ATP8A1: variants seen among roughly 807,000 people sequenced by gnomAD.
The protein encoded by ATP8A1 is phospholipid-transporting ATPase IA.
In ATP8A1, 90 loss-of-function variants were observed where a neutral mutation model predicts 177.7. That is an observed-to-expected ratio of 0.51 (90% CI 0.43 to 0.60). The LOEUF is 0.60. ATP8A1 is among the 20% of genes least tolerant of loss of function. ATP8A1 has a pLI of 0.00. For synonymous variants in ATP8A1, 493 were observed against 485.9 expected (o/e 1.01, Z -0.19); for missense variants, 1,072 against 1,392.8 (o/e 0.77, Z 3.67).
chr4:42,492,693 C>T (rs1722851224), intron 24 of ATP8A1, among the ~76,000 whole-genome samples: 1 of 152,166 alleles, frequency 6.6e-6, no homozygotes, highest in African/African-American at 2.4e-5. Flanking sequence ...CTTTTGTTAG[C>T]CTGAATGAAC....
chr4:42,514,530 T>TA (rs1294969916), intron 22 of ATP8A1, among the ~76,000 whole-genome samples: 1 of 152,244 alleles, frequency 6.6e-6, no homozygotes, highest in Admixed American at 6.5e-5. Context: ...ATACAGTACA[T>TA]AGAGTACATA....
chr4:42,641,339 A>C (rs1184662196), intron 1 of ATP8A1, among the ~76,000 whole-genome samples: 1 of 152,142 alleles, frequency 6.6e-6, no homozygotes, highest in Admixed American at 6.5e-5. Flanking sequence ...TCAAGAAAAA[A>C]TCTGAGGTGT....
At chr4:42,630,679 C>T (rs1738641277) in intron 1 of ATP8A1, among the ~76,000 whole-genome samples, 1 of 152,178 alleles carries the variant, frequency 6.6e-6, no homozygotes, top group African/African-American at 2.4e-5. Context: ...GACTTCAAGA[C>T]ATTCAACAGA....
At chr4:42,609,880 GT>G (rs1553915826) in intron 5 of ATP8A1, among the ~76,000 whole-genome samples, 1 of 152,044 alleles carries the variant, frequency 6.6e-6, no homozygotes, top group Non-Finnish European at 1.5e-5. Context: ...CCTCACCCTG[GT>G]TTTCAAAAGA....
chr4:42,414,584 A>G (rs1560298501), intron 36 of ATP8A1, 43 bp downstream of exon 36: 11 of 1,489,406 alleles, frequency 7.4e-6, no homozygotes, highest in Non-Finnish European at 9.4e-6. Flanking sequence ...TGATACAGCA[A>G]TGGCAGAGAA....
intron 8 of ATP8A1, among the ~76,000 whole-genome samples, chr4:42,587,218 A>T (rs898446286): frequency 6.6e-6 from 1 of 152,214 alleles, no homozygotes; most frequent in South Asian, 2.1e-4. Context: ...ACGGCTTTTT[A>T]AAAAACTTTA....
intron 5 of ATP8A1, among the ~76,000 whole-genome samples, chr4:42,607,956 C>A (rs1735963334): frequency 1.3e-5 from 2 of 152,136 alleles, no homozygotes; most frequent in African/African-American, 4.8e-5. Context: ...GTTTTAAATG[C>A]AAAACTCCTC....
chr4:42,448,393 T>TTACTTTAC, intron 30 of ATP8A1, among the ~76,000 whole-genome samples: 1 of 82,206 alleles, frequency 1.2e-5, no homozygotes, highest in African/African-American at 4.0e-5. Context: ...CCTCCTTCTC[T>TTACTTTAC]TTCTTTTCTT....
chr4:42,578,808 C>G (rs1270994384), intron 11 of ATP8A1, among the ~76,000 whole-genome samples: 1 of 152,052 alleles, frequency 6.6e-6, no homozygotes. Context: ...ACAATCCAAA[C>G]TATATGAGTA....
chr4:42,423,376 T>C (rs1305299216), intron 34 of ATP8A1, among the ~76,000 whole-genome samples: 1 of 152,212 alleles, frequency 6.6e-6, no homozygotes, highest in African/African-American at 2.4e-5. Context: ...TACTCCCCGA[T>C]GTAATTTTCT....
intron 22 of ATP8A1, among the ~76,000 whole-genome samples, chr4:42,509,063 T>C (rs1335135940): frequency 6.6e-6 from 1 of 152,166 alleles, no homozygotes; most frequent in Non-Finnish European, 1.5e-5. Flanking sequence ...AATAGAAAAA[T>C]CTAACAATGG....
intron 22 of ATP8A1, among the ~76,000 whole-genome samples, chr4:42,520,751 A>G (rs1726036071): frequency 6.6e-6 from 1 of 152,158 alleles, no homozygotes; most frequent in Non-Finnish European, 1.5e-5. Context: ...AGGAGGAGAT[A>G]TCTAGATATA....
In ATP8A1 at chr4:42,455,355, A is replaced by G; in HGVS notation, c.2759T>C (p.Met920Thr). 3 of 1,613,972 alleles carry G rather than the reference A, an allele frequency of 1.9e-6. No homozygotes were observed. The highest frequency in any genetic ancestry group is 2.5e-6 in the Non-Finnish European group (3 of 1,179,828). Residue 920 changes from methionine to threonine, a missense_variant, in exon 29 of 37, where the codon ATG becomes ACG. This residue lies in a region of ATP8A1 where 316 missense variants were observed against 459.1 expected (regional missense o/e 0.69). Coordinates refer to ENST00000381668, the MANE Select transcript of ATP8A1 (RefSeq NM_006095.2). The part of the protein sequence containing the change: ...IFERSCRKEN[M>T]LKYPELYKTS... ...TTTGTATAATTCAGGGTACTTCAACATGTTCTCTTTTCTGCATGATCTCTC... is the reference window on the plus strand; with the variant it reads ...TTTGTATAATTCAGGGTACTTCAACGTGTTCTCTTTTCTGCATGATCTCTC...
chr4:42,593,333 T>G (rs1734380705), intron 6 of ATP8A1, among the ~76,000 whole-genome samples: 1 of 151,906 alleles, frequency 6.6e-6, no homozygotes, highest in Non-Finnish European at 1.5e-5. Context: ...ACAGAGGGGG[T>G]GATTTGAAAA....
chr4:42,429,078 CTA>C lies in ATP8A1; in HGVS notation c.3124-5375_3124-5374del, dbSNP rs1282429956. Among the ~76,000 whole-genome samples the C allele has an allele frequency of 2.0e-5, 3 of 152,226 alleles. No individual in the cohort carries two copies. The East Asian group carries it at 5.8e-4, about 29-fold the overall frequency. ...TTCTCACAACCTAGTGTTGTAGAAA[CTA>C]TGAAAAACAGAGCCTGGGGACCCTG... On this transcript the variant is annotated intron_variant, in intron 33 of 36. Transcript: ENST00000381668.
In ATP8A1 at chr4:42,420,024, A is replaced by AAAC. The variant is rs1560303494; in HGVS notation, c.3305+2782_3305+2783insGTT. Among the ~76,000 whole-genome samples the AAAC allele has an allele frequency of 3.9e-5, 4 of 103,402 alleles. No individual in the cohort carries two copies. In the East Asian group the frequency reaches 8.5e-4, roughly 22 times the overall value. The allele number at this position is 103,402 out of a possible 152,430, so 67.8% of individuals were successfully genotyped here. A position where few individuals can be genotyped will look rare whatever the true frequency, so the allele number is the denominator to read the frequency against. On this transcript the variant is annotated intron_variant, in intron 35 of 36. Coordinates refer to ENST00000381668, the MANE Select transcript of ATP8A1 (RefSeq NM_006095.2). ...TCTCAAAAAAAAACAAACAAACAAA[A>AAAC]AAAAAAAACTGCTAACTTTTTTTGA...
intron 5 of ATP8A1, among the ~76,000 whole-genome samples, chr4:42,604,046 C>T (rs1735554862): frequency 6.6e-6 from 1 of 152,128 alleles, no homozygotes; most frequent in African/African-American, 2.4e-5. Context: ...TCCCAACACA[C>T]CCTCCTTATG....
At chr4:42,533,058 G>T (rs1727439902) in intron 20 of ATP8A1, among the ~76,000 whole-genome samples, 1 of 152,204 alleles carries the variant, frequency 6.6e-6, no homozygotes, top group Non-Finnish European at 1.5e-5. Flanking sequence ...CACAAAGCCT[G>T]TTTGGTGAAC....
chr4:42,556,550 C>A (rs1730256847), intron 15 of ATP8A1, among the ~76,000 whole-genome samples: 1 of 151,730 alleles, frequency 6.6e-6, no homozygotes, highest in African/African-American at 2.4e-5. Flanking sequence ...AATATCTGAG[C>A]AAATATTTAT....
Sources: gnomAD v4.1 joint callset for allele counts (sites outside exome capture counted in the v4.1 genomes callset) on GRCh38, gnomAD v4.1.1 for gene constraint, gnomAD v4.1.1 regional missense constraint, MANE v1.5 for transcripts, NCBI Gene and HGNC (gene_info 2026-07-23, HGNC 2026-07-21) for gene names.